PTPRD: variants seen among roughly 807,000 people sequenced by gnomAD.
The protein encoded by PTPRD is protein tyrosine phosphatase receptor type D.
In PTPRD, 34 loss-of-function variants were observed where a neutral mutation model predicts 214.5. That is an observed-to-expected ratio of 0.16 (90% CI 0.12 to 0.21). The LOEUF is 0.21. Ranked by LOEUF, PTPRD falls within the 10% of genes least tolerant of loss-of-function variation. The probability of loss-of-function intolerance (pLI) is 1.00; values close to 1 mark genes in which losing one functional copy is unlikely to be tolerated. For missense variants in PTPRD, 2,545 were observed against 2,398.7 expected (o/e 1.06, Z -1.27); for synonymous variants, 1,128 against 845.7 (o/e 1.33, Z -5.79).
chr9:9,305,160 T>C (rs1422621188), intron 9 of PTPRD, among the ~76,000 whole-genome samples: 1 of 151,772 alleles, frequency 6.6e-6, no homozygotes, highest in Non-Finnish European at 1.5e-5. Flanking sequence ...GTCTCACTAA[T>C]ACAGTACACA....
intron 3 of PTPRD, among the ~76,000 whole-genome samples, chr9:10,081,309 T>TA (rs2098233166): frequency 6.6e-6 from 1 of 152,146 alleles, no homozygotes; most frequent in Non-Finnish European, 1.5e-5. Flanking sequence ...GACTTTGTTT[T>TA]AAAGATTATA....
intron 8 of PTPRD, among the ~76,000 whole-genome samples, chr9:9,519,813 A>G (rs2096922566): frequency 6.6e-6 from 1 of 152,022 alleles, no homozygotes; most frequent in African/African-American, 2.4e-5. Flanking sequence ...AAATCCATAA[A>G]AATCCTGAAA....
intron 3 of PTPRD, among the ~76,000 whole-genome samples, chr9:10,231,983 A>AGTGTGTGT (rs1194347516): frequency 2.0e-4 from 19 of 97,230 alleles, no homozygotes; most frequent in South Asian, 6.8e-4. Flanking sequence ...AGAGAGAGAG[A>AGTGTGTGT]GAGAGAGTGT....
intron 6 of PTPRD, among the ~76,000 whole-genome samples, chr9:9,746,269 G>C (rs762641066): frequency 2.2e-4 from 33 of 151,804 alleles, no homozygotes; most frequent in Non-Finnish European, 4.6e-4. Flanking sequence ...TTTTTAGAAG[G>C]GTTTCAGAAA....
intron 8 of PTPRD, among the ~76,000 whole-genome samples, chr9:9,406,435 C>G (rs1300907076): frequency 6.6e-6 from 1 of 151,764 alleles, no homozygotes; most frequent in African/African-American, 2.4e-5. Flanking sequence ...AAAATGTGAG[C>G]CTTCAAGAAA....
intron 8 of PTPRD, among the ~76,000 whole-genome samples, chr9:9,508,566 T>G (rs767460077): frequency 6.6e-6 from 1 of 151,758 alleles, no homozygotes; most frequent in African/African-American, 2.4e-5. Context: ...TTTCTCCTCT[T>G]ACATTTTTGA....
At chr9:8,770,333 G>GA (rs1300295140) in intron 11 of PTPRD, among the ~76,000 whole-genome samples, 1 of 147,732 alleles carries the variant, frequency 6.8e-6, no homozygotes, top group African/African-American at 2.5e-5. Flanking sequence ...AATTTGCTAT[G>GA]ATAGTGTAAT....
At chr9:9,918,871 C>A (rs1232313634) in intron 5 of PTPRD, among the ~76,000 whole-genome samples, 1 of 152,080 alleles carries the variant, frequency 6.6e-6, no homozygotes, top group African/African-American at 2.4e-5. Flanking sequence ...TAGACCCCTG[C>A]CTCCAACCCT....
At position 8,948,543 on chromosome 9, in the gene PTPRD, T is replaced by TTA. The variant is rs1228234537; in HGVS notation, c.-104+70152_-104+70153dup. Among the ~76,000 whole-genome samples, 240 of 31,156 alleles carry TTA rather than the reference T, an allele frequency of 7.7e-3. 25 individuals are homozygous for TTA. Among genetic ancestry groups the TTA allele is most frequent in the African/African-American group, 0.014 (154 of 11,398 alleles). 20.4% of individuals were successfully genotyped at this position (31,156 alleles called of 152,430 possible). On this transcript the variant is annotated intron_variant, in intron 11 of 45. Coordinates refer to ENST00000381196, the MANE Select transcript of PTPRD (RefSeq NM_002839.4). ...TTTATATATATATTTATATATATAT[T>TTA]TATATATATTTATATATATTTATAT... is the stretch of plus-strand genomic sequence containing the variant.
intron 11 of PTPRD, among the ~76,000 whole-genome samples, chr9:8,821,510 T>C (rs2097062683): frequency 6.6e-6 from 1 of 152,222 alleles, no homozygotes; most frequent in Non-Finnish European, 1.5e-5. Context: ...CACTCTTGTC[T>C]GCAAGAAACA....
At chr9:9,265,677 G>A (rs1231977970) in intron 9 of PTPRD, among the ~76,000 whole-genome samples, 1 of 151,066 alleles carries the variant, frequency 6.6e-6, no homozygotes, top group East Asian at 2.0e-4. Context: ...TTTTATGTAA[G>A]CCTCAGATTA....
At chr9:8,527,485 C>A (rs2074496841) in intron 15 of PTPRD, 132 bp from the exon 16 acceptor site, 4 of 793,818 alleles carry the variant, frequency 5.0e-6, no homozygotes, top group Admixed American at 2.5e-5. Context: ...ATAATTAATT[C>A]TTCATTTACA....
At chr9:8,405,235 A>G (rs2092847100) in intron 35 of PTPRD, among the ~76,000 whole-genome samples, 1 of 152,324 alleles carries the variant, frequency 6.6e-6, no homozygotes, top group East Asian at 1.9e-4. Context: ...AGTTAACACG[A>G]ACAGTAAAGA....
intron 2 of PTPRD, among the ~76,000 whole-genome samples, chr9:10,411,965 C>A (rs979690165): frequency 5.9e-5 from 9 of 151,660 alleles, no homozygotes; most frequent in African/African-American, 2.2e-4. Flanking sequence ...CTTAATATAA[C>A]AAATATACTG....
rs576749608 is a variant in PTPRD at position 8,485,161 on chromosome 9, C to T, written c.3153+66G>A. Reference sequence around the variant, plus strand: ...AGTGGTCTGCTTGCTGTGCAAATAACTTACCCAGATAAACTGTCCCCTCTA... The same window carrying T: ...AGTGGTCTGCTTGCTGTGCAAATAATTTACCCAGATAAACTGTCCCCTCTA... On this transcript the variant is annotated intron_variant, in intron 29 of 45. Coordinates refer to ENST00000381196, the MANE Select transcript of PTPRD (RefSeq NM_002839.4). 15 of 1,379,144 alleles carry T rather than the reference C, an allele frequency of 1.1e-5. No homozygotes were observed. In the East Asian group the frequency reaches 3.5e-4, roughly 32 times the overall value. 85.4% of individuals were successfully genotyped at this position (1,379,144 alleles called of 1,614,324 possible).
intron 7 of PTPRD, among the ~76,000 whole-genome samples, chr9:9,585,476 A>G (rs1025602791): frequency 1.3e-5 from 2 of 152,064 alleles, no homozygotes; most frequent in Non-Finnish European, 2.9e-5. Context: ...TTCTTGGTAG[A>G]TATTTCTAAC....
intron 14 of PTPRD, among the ~76,000 whole-genome samples, chr9:8,579,260 A>G (rs2092796935): frequency 6.6e-6 from 1 of 152,242 alleles, no homozygotes; most frequent in Non-Finnish European, 1.5e-5. Flanking sequence ...TCTTCATAAT[A>G]CAAAAGCTTC....
chr9:8,923,277 G>C (rs1431927499), intron 11 of PTPRD, among the ~76,000 whole-genome samples: 2 of 151,566 alleles, frequency 1.3e-5, no homozygotes, highest in South Asian at 2.1e-4. Flanking sequence ...CCTGACCTTA[G>C]GTGATCCGCC....
chr9:9,560,352 G>C (rs2082593091), intron 8 of PTPRD, among the ~76,000 whole-genome samples: 1 of 152,232 alleles, frequency 6.6e-6, no homozygotes, highest in Non-Finnish European at 1.5e-5. Flanking sequence ...GTAGATTCTA[G>C]AAATGTTGCA....
Sources: gnomAD v4.1 joint callset for allele counts (sites outside exome capture counted in the v4.1 genomes callset) on GRCh38, gnomAD v4.1.1 for gene constraint, MANE v1.5 for transcripts, NCBI Gene and HGNC (gene_info 2026-07-23, HGNC 2026-07-21) for gene names.